The following TYW3 variants were observed in gnomAD, a reference collection of about 807,000 sequenced individuals.
The protein encoded by TYW3 is tRNA wybutosine-synthesizing protein 3 homolog.
In TYW3, 26 loss-of-function variants were observed where a neutral mutation model predicts 23.1. The observed-to-expected ratio is 1.13, with a 90% CI of 0.83 to 1.56. The LOEUF is 1.56. Among genes scored for constraint, TYW3 ranks in the 40% most tolerant of loss-of-function variants. The pLI, the probability that TYW3 is intolerant of heterozygous loss-of-function variation, is 0.00. For synonymous variants in TYW3, 102 were observed against 105.7 expected (o/e 0.97, Z 0.21); for missense variants, 316 against 311.9 (o/e 1.01, Z -0.10).
At chr1:74,751,168 A>G (rs1382622778) in intron 4 of TYW3, 1 of 151,874 alleles carries the variant, frequency 6.6e-6, no homozygotes, top group Non-Finnish European at 1.5e-5. Flanking sequence ...TCCCAACTCA[A>G]TTGCTGCCTT....
intron 3 of TYW3, among the ~76,000 whole-genome samples, chr1:74,745,215 A>G (rs1176154804): frequency 6.6e-6 from 1 of 152,204 alleles, no homozygotes; most frequent in Non-Finnish European, 1.5e-5. Flanking sequence ...GGGCCCAAAG[A>G]GTGAGCAGCA....
chr1:74,733,614 G>A, intron 1 of TYW3, 196 bp downstream of exon 1: 1 of 953,046 alleles, frequency 1.0e-6, no homozygotes. Context: ...AATCAGCTGA[G>A]CATCTTTTAA....
chr1:74,752,748 A>G (rs1648830782), intron 5 of TYW3, among the ~76,000 whole-genome samples: 1 of 152,110 alleles, frequency 6.6e-6, no homozygotes, highest in Non-Finnish European at 1.5e-5. Context: ...GTAACTGATC[A>G]ATTTGAAGGC....
chr1:74,764,138 C>T lies in TYW3; in HGVS notation c.*25C>T, dbSNP rs771312399. On this transcript the variant is annotated 3_prime_UTR_variant, in exon 6 of 6. Transcript: ENST00000370867. ...AGCTTTGGTTCTGATGTGTCTTGGC[C>T]GTAATGTTTCTAGTAGGTTTTATAA... The T allele has an allele frequency of 9.5e-6, 15 of 1,579,042 alleles. No individual in the cohort carries two copies. The highest frequency in any genetic ancestry group is 2.7e-5 in the African/African-American group (2 of 72,880).
At chr1:74,741,595 C>G (rs1320777447) in intron 3 of TYW3, among the ~76,000 whole-genome samples, 1 of 152,170 alleles carries the variant, frequency 6.6e-6, no homozygotes, top group African/African-American at 2.4e-5. Flanking sequence ...ACTCTGTTCC[C>G]TTTTCTCTGT....
chr1:74,734,856 T>C (rs1648087965), intron 1 of TYW3, among the ~76,000 whole-genome samples: 1 of 152,226 alleles, frequency 6.6e-6, no homozygotes, highest in Non-Finnish European at 1.5e-5. Flanking sequence ...ACTGTAAAAG[T>C]TGGCTGTGTA....
At chr1:74,763,015 CATT>C (rs1274175338) in intron 5 of TYW3, among the ~76,000 whole-genome samples, 8 of 152,080 alleles carry the variant, frequency 5.3e-5, no homozygotes, top group Admixed American at 5.2e-4. Context: ...AAATGAGAAA[CATT>C]GTATTTTACT....
At position 74,748,703 on chromosome 1, in the gene TYW3, T is replaced by G. The variant is rs776872784; in HGVS notation, c.355-48T>G. 2.6e-6 allele frequency: 4 copies of G among 1,558,574 alleles called. No homozygotes were observed. In the African/African-American group the frequency reaches 4.1e-5, roughly 16 times the overall value. ...GTAGTTTGTGGAGCCAAACAGATGA[T>G]CTGGTTACCCACAGTATCAAAATGT... On this transcript the variant is annotated intron_variant, in intron 3 of 5. Transcript: ENST00000370867.
chr1:74,756,220 A>G lies in TYW3; in HGVS notation c.560+3795A>G, dbSNP rs567071117. The stretch of plus-strand genomic sequence containing the variant: ...ACCACTATAGTGGGGCACTGCGGAA[A>G]AGATACCCAAAAATGTGGAAGCGAC... On this transcript the variant is annotated intron_variant, in intron 5 of 5. Transcript: ENST00000370867. 1.4e-4 allele frequency among the ~76,000 whole-genome samples: 22 copies of G among 152,374 alleles called. No individual in the cohort carries two copies. The East Asian group carries it at 3.8e-3, about 27-fold the overall frequency.
At chr1:74,738,856 C>A in intron 3 of TYW3, 68 bp downstream of exon 3, 1 of 1,160,434 alleles carries the variant, frequency 8.6e-7, no homozygotes, top group Non-Finnish European at 1.3e-6. Context: ...AAGCTTTTAA[C>A]CTGCTATAAA....
chr1:74,748,857 G>A (rs1427580986), intron 4 of TYW3, 35 bp downstream of exon 4: 1 of 1,581,024 alleles, frequency 6.3e-7, no homozygotes, highest in Admixed American at 1.7e-5. Context: ...TTTTTTTAGT[G>A]TAAAGTGATC....
chr1:74,753,168 C>T (rs1648847059), intron 5 of TYW3, among the ~76,000 whole-genome samples: 1 of 152,138 alleles, frequency 6.6e-6, no homozygotes, highest in African/African-American at 2.4e-5. Context: ...GAGTAATAGC[C>T]AATTTGATGT....
At position 74,764,152 on chromosome 1, in the gene TYW3, T is replaced by G. The variant is rs903542451; in HGVS notation, c.*39T>G. 6.5e-7 allele frequency: 1 copy of G among 1,541,710 alleles called. No individual in the cohort carries two copies. The highest frequency in any genetic ancestry group is 1.4e-5 in the African/African-American group (1 of 71,908). ...TGTGTCTTGGCCGTAATGTTTCTAG[T>G]AGGTTTTATAAAGCTGCTCTTCATA... is the stretch of plus-strand genomic sequence containing the variant. On this transcript the variant is annotated 3_prime_UTR_variant, in exon 6 of 6. Transcript: ENST00000370867.
intron 5 of TYW3, among the ~76,000 whole-genome samples, chr1:74,756,179 A>C (rs1007972725): frequency 6.6e-6 from 1 of 152,210 alleles, no homozygotes; most frequent in East Asian, 1.9e-4. Context: ...AAAATGGACT[A>C]ATACAGTAAA....
intron 3 of TYW3, among the ~76,000 whole-genome samples, chr1:74,739,849 T>C (rs1288464894): frequency 6.6e-6 from 1 of 152,062 alleles, no homozygotes; most frequent in South Asian, 2.1e-4. Flanking sequence ...CCAAAGCAGG[T>C]GAGAAAGGAA....
At chr1:74,760,737 T>G (rs1173528245) in intron 5 of TYW3, among the ~76,000 whole-genome samples, 2 of 152,254 alleles carry the variant, frequency 1.3e-5, no homozygotes, top group East Asian at 3.8e-4. Flanking sequence ...AAGAAAATGC[T>G]AGTTAAAATC....
chr1:74,763,350 A>ATG (rs1375587694), intron 5 of TYW3, among the ~76,000 whole-genome samples: 7 of 152,150 alleles, frequency 4.6e-5, no homozygotes, highest in African/African-American at 9.7e-5. Flanking sequence ...ATAAAGGCCA[A>ATG]TCTAGATGAC....
intron 5 of TYW3, among the ~76,000 whole-genome samples, chr1:74,756,157 A>C (rs556003808): frequency 6.6e-6 from 1 of 152,290 alleles, no homozygotes; most frequent in Admixed American, 6.5e-5. Flanking sequence ...GTATGTCTTT[A>C]TCAGCAGTGT....
intron 4 of TYW3, 147 bp downstream of exon 4, chr1:74,748,969 C>T (rs1433369097): frequency 2.8e-6 from 2 of 713,480 alleles, no homozygotes; most frequent in Non-Finnish European, 4.7e-6. Context: ...TTACTCCTTC[C>T]TACAGGGCAA....
Sources: allele counts gnomAD v4.1 joint callset (sites outside exome capture counted in the v4.1 genomes callset), GRCh38; gene constraint gnomAD v4.1.1; transcripts MANE v1.5; gene names NCBI Gene and HGNC (gene_info 2026-07-23, HGNC 2026-07-21).